The following MMP1 variants were observed in gnomAD, a reference collection of about 807,000 sequenced individuals.
MMP1 encodes interstitial collagenase.
A neutral mutation model predicts 49.6 loss-of-function variants in MMP1; 51 were observed. The observed-to-expected ratio is 1.03, with a 90% CI of 0.82 to 1.30. The LOEUF (loss-of-function observed/expected upper bound fraction) is 1.30. Ranked by LOEUF, MMP1 falls within the 50% of genes most tolerant of loss-of-function variation. The pLI, the probability that MMP1 is intolerant of heterozygous loss-of-function variation, is 0.00. For synonymous variants in MMP1, 230 were observed against 196.8 expected (o/e 1.17, Z -1.41); for missense variants, 623 against 568.7 (o/e 1.10, Z -0.97).
In MMP1 at chr11:102,790,023, T is replaced by C. The variant is rs189318548; in HGVS notation, c.*389A>G. The C allele has an allele frequency of 6.4e-6, 1 of 156,632 alleles. No individual in the cohort carries two copies. Among genetic ancestry groups the C allele is most frequent in the Non-Finnish European group, 1.4e-5 (1 of 71,194 alleles). 9.7% of individuals were successfully genotyped at this position (156,632 alleles called of 1,614,324 possible). On this transcript the variant is annotated 3_prime_UTR_variant, in exon 10 of 10. Coordinates refer to ENST00000315274, the MANE Select transcript of MMP1 (RefSeq NM_002421.4). Reference sequence around the variant, plus strand: ...CCAGGGTGACACCAGTGACTGCACATGTGTTCTTGAGCTGCTTTTCCTCCG... The same window carrying C: ...CCAGGGTGACACCAGTGACTGCACACGTGTTCTTGAGCTGCTTTTCCTCCG...
chr11:102,793,657 G>A (rs938136444), intron 6 of MMP1, among the ~76,000 whole-genome samples: 1 of 152,226 alleles, frequency 6.6e-6, no homozygotes, highest in African/African-American at 2.4e-5. Context: ...TGAGGTTGGG[G>A]AGACTAAGGG....
chr11:102,797,919 C>G, intron 1 of MMP1, 69 bp downstream of exon 1: 1 of 1,190,960 alleles, frequency 8.4e-7, no homozygotes, highest in South Asian at 1.5e-5. Context: ...TTAAAAAACT[C>G]TATTACATTA....
intron 6 of MMP1, among the ~76,000 whole-genome samples, chr11:102,792,962 A>G (rs1190666241): frequency 6.6e-6 from 1 of 152,220 alleles, no homozygotes; most frequent in Non-Finnish European, 1.5e-5. Context: ...ACCATTGTAT[A>G]GCATACAAAT....
At position 102,795,207 on chromosome 11, in the gene MMP1, G is replaced by C. The variant is rs963164473; in HGVS notation, c.866C>G (p.Thr289Arg). Residue 289 changes from threonine to arginine, a missense_variant, in exon 6 of 10, where the codon ACG (threonine) becomes AGG (arginine). By Grantham distance (71) the Thr-to-Arg change is moderately conservative (BLOSUM62 -1). Coordinates refer to ENST00000315274, the MANE Select transcript of MMP1 (RefSeq NM_002421.4). ...DSKLTFDAIT[T>R]IRGEVMFFKD... ...AAAGAACATCACTTCTCCCCGAATCGTAGTTATAGCATCAAAGGTTAGCTT... is the reference window on the plus strand; with the variant it reads ...AAAGAACATCACTTCTCCCCGAATCCTAGTTATAGCATCAAAGGTTAGCTT... 6.2e-7 allele frequency: 1 copy of C among 1,613,988 alleles called. No homozygotes were observed. The highest frequency in any genetic ancestry group is 8.5e-7 in the Non-Finnish European group (1 of 1,179,888).
intron 8 of MMP1, 139 bp from the exon 9 acceptor site, chr11:102,790,945 G>A: frequency 4.7e-6 from 3 of 632,528 alleles, no homozygotes; most frequent in Non-Finnish European, 8.4e-6. Context: ...GAGTGGATGG[G>A]ATAAGGTGGA....
Position 102,790,497 on chromosome 11 carries a change from G to C in MMP1, c.1325C>G (p.Thr442Arg), listed in dbSNP as rs776063507. The C allele has an allele frequency of 6.2e-7, 1 of 1,604,160 alleles. No individual in the cohort carries two copies. Among genetic ancestry groups the C allele is most frequent in the East Asian group, 2.2e-5 (1 of 44,758 alleles). ...KDGFFYFFHG[T>R]RQYKFDPKTK... ...TTTAGGATCAAATTTGTATTGTCTT[G>C]TTCCATGAAAGAAATAGAAAAATCC... The change falls in exon 10 of 10, where the codon ACA (threonine) becomes AGA (arginine). Residue 442 changes from threonine (T) to arginine (R), a missense_variant. Transcript: ENST00000315274.
Position 102,790,753 on chromosome 11 carries a change from T to A in MMP1, c.1250A>T (p.His417Leu), listed in dbSNP as rs1205742732. Residue 417 changes from histidine (H) to leucine (L), a missense_variant, in exon 9 of 10, where the codon CAT becomes CTT. By Grantham distance (99) the His-to-Leu change is moderately conservative. Coordinates refer to ENST00000315274, the MANE Select transcript of MMP1 (RefSeq NM_002421.4). ...MDPGYPKMIA[H>L]DFPGIGHKVD... ...TTTGTGGCCAATTCCAGGAAAGTCA[T>A]GTGCTATCATTTTGGGATAACCTGG... The A allele has an allele frequency of 1.9e-6, 3 of 1,613,576 alleles. No individual in the cohort carries two copies. The highest frequency in any genetic ancestry group is 2.5e-6 in the Non-Finnish European group (3 of 1,179,646).
At chr11:102,793,888 C>T (rs189545449) in intron 6 of MMP1, among the ~76,000 whole-genome samples, 47 of 152,308 alleles carry the variant, frequency 3.1e-4, no homozygotes, top group Non-Finnish European at 3.1e-4. Context: ...CCTTGGCTGT[C>T]GGAAACCTGA....
intron 9 of MMP1, 36 bp downstream of exon 9, chr11:102,790,667 C>T (rs746805466): frequency 6.9e-7 from 1 of 1,442,742 alleles, no homozygotes; most frequent in Non-Finnish European, 9.8e-7. Context: ...ATTGCTACGG[C>T]AATGAAATGG....
Position 102,792,623 on chromosome 11 carries a change from C to T in MMP1, c.1015G>A (p.Glu339Lys), listed in dbSNP as rs542710164. The T allele has an allele frequency of 6.2e-7, 1 of 1,613,666 alleles. No individual in the cohort carries two copies. Among genetic ancestry groups the T allele is most frequent in the South Asian group, 1.1e-5 (1 of 90,950 alleles). Residue 339 changes from glutamate to lysine, a missense_variant, in exon 7 of 10, where the codon GAA becomes AAA. Physicochemically the swap from Glu to Lys is moderately conservative, Grantham distance 56. Coordinates refer to ENST00000315274, the MANE Select transcript of MMP1 (RefSeq NM_002421.4). ...AGATTACCTTTGAAAAACCGGACTTCATCTCTGTCGGCAAATTCGTAAGCA... is the reference window on the plus strand; with the variant it reads ...AGATTACCTTTGAAAAACCGGACTTTATCTCTGTCGGCAAATTCGTAAGCA... ...EAAYEFADRDEVRFFKGNKYW... is the reference protein window; with the variant it reads ...EAAYEFADRDKVRFFKGNKYW...
Position 102,792,242 on chromosome 11 carries a change from G to A in MMP1, c.1033+363C>T, listed in dbSNP as rs904378434. Among the ~76,000 whole-genome samples the A allele has an allele frequency of 9.2e-5, 14 of 152,118 alleles. No individual in the cohort carries two copies. The East Asian group carries it at 1.2e-3, about 13-fold the overall frequency. On this transcript the variant is annotated intron_variant, in intron 7 of 9. Coordinates refer to ENST00000315274, the MANE Select transcript of MMP1 (RefSeq NM_002421.4). ...TCAAATGTCTTACTCATTGTACTAC[G>A]TTAAACACACGTTTGCAAAAATATT...
rs1591077182 is a variant in MMP1, at chr11:102,791,273, T to C, written c.1196+60A>G. On this transcript the variant is annotated intron_variant, in intron 8 of 9. Transcript: ENST00000315274. Reference sequence around the variant, plus strand: ...TTGAGACTCACTTTGAAATGGGCTATTCTAGAACTTTTTATGTAGAAAGAA... The same window carrying C: ...TTGAGACTCACTTTGAAATGGGCTACTCTAGAACTTTTTATGTAGAAAGAA... 1.9e-6 allele frequency: 3 copies of C among 1,589,976 alleles called. No individual in the cohort carries two copies. The East Asian group carries it at 6.7e-5, about 36-fold the overall frequency.
chr11:102,791,583 G>A, intron 7 of MMP1, 88 bp from the exon 8 acceptor site: 2 of 1,400,470 alleles, frequency 1.4e-6, no homozygotes, highest in Non-Finnish European at 2.0e-6. Context: ...AGTTTCACAT[G>A]CTAGTGCAGT....
At chr11:102,797,926 A>C (rs1177842155) in intron 1 of MMP1, 62 bp downstream of exon 1, 1 of 1,275,014 alleles carries the variant, frequency 7.8e-7, no homozygotes, top group Non-Finnish European at 1.1e-6. Context: ...ACTCTATTAC[A>C]TTACTGCAGA....
At position 102,791,455 on chromosome 11, in the gene MMP1, G is replaced by C. The variant is rs1234326470; in HGVS notation, c.1074C>G (p.His358Gln). ...AGCTGTAGATGTCCTTGGGGTATCC[G>C]TGTAGCACATTCTGTCCCTGAACAG... ...YWAVQGQNVLHGYPKDIYSSF... is the reference protein window; with the variant it reads ...YWAVQGQNVLQGYPKDIYSSF... Residue 358 changes from histidine (H) to glutamine (Q), a missense_variant, in exon 8 of 10, where the codon CAC becomes CAG. His to Gln is a conservative substitution (Grantham distance 24). Coordinates refer to ENST00000315274, the MANE Select transcript of MMP1 (RefSeq NM_002421.4). 3.1e-6 allele frequency: 5 copies of C among 1,613,872 alleles called. No individual in the cohort carries two copies. The highest frequency in any genetic ancestry group is 4.2e-6 in the Non-Finnish European group (5 of 1,179,872).
intron 6 of MMP1, among the ~76,000 whole-genome samples, chr11:102,793,530 C>G (rs1277116434): frequency 2.6e-5 from 4 of 152,204 alleles, no homozygotes; most frequent in Admixed American, 2.6e-4. Flanking sequence ...ACATTACCAA[C>G]TGGACCATGA....
rs779778495 is a variant in MMP1 at position 102,791,445 on chromosome 11, T to C, written c.1084A>G (p.Lys362Glu). Reference sequence around the variant, plus strand: ...AAGCCAAAGGAGCTGTAGATGTCCTTGGGGTATCCGTGTAGCACATTCTGT... The same window carrying C: ...AAGCCAAAGGAGCTGTAGATGTCCTCGGGGTATCCGTGTAGCACATTCTGT... Reference protein sequence around the residue: ...QGQNVLHGYPKDIYSSFGFPR... With the variant: ...QGQNVLHGYPEDIYSSFGFPR... The change falls in exon 8 of 10, where the codon AAG becomes GAG. Residue 362 changes from lysine to glutamate, a missense_variant. By Grantham distance (56) the Lys-to-Glu change is moderately conservative. Transcript: ENST00000315274. The C allele has an allele frequency of 8.1e-6, 13 of 1,614,032 alleles. No individual in the cohort carries two copies. In the South Asian group the frequency reaches 1.3e-4, roughly 16 times the overall value.
At position 102,793,512 on chromosome 11, in the gene MMP1, G is replaced by A. The variant is rs892772150; in HGVS notation, c.900-774C>T. Reference sequence around the variant, plus strand: ...CAGCTTTGGTGAGCCATTAGGGATCGGCTGTGCACATTACCAACTGGACCA... The same window carrying A: ...CAGCTTTGGTGAGCCATTAGGGATCAGCTGTGCACATTACCAACTGGACCA... On this transcript the variant is annotated intron_variant, in intron 6 of 9. Coordinates refer to ENST00000315274, the MANE Select transcript of MMP1 (RefSeq NM_002421.4). Among the ~76,000 whole-genome samples the A allele has an allele frequency of 1.3e-5, 2 of 152,212 alleles. 1 individual carries two copies. Among genetic ancestry groups the A allele is most frequent in the East Asian group, 3.9e-4 (2 of 5,190 alleles).
At chr11:102,791,536 T>G (rs574861369) in intron 7 of MMP1, 41 bp from the exon 8 acceptor site, 1 of 1,594,952 alleles carries the variant, frequency 6.3e-7, no homozygotes, top group East Asian at 2.2e-5. Flanking sequence ...TGCCTAAGAC[T>G]TCAATAGGCA....
Sources: gnomAD v4.1 joint callset for allele counts (sites outside exome capture counted in the v4.1 genomes callset) on GRCh38, gnomAD v4.1.1 for gene constraint, MANE v1.5 for transcripts, NCBI Gene and HGNC (gene_info 2026-07-23, HGNC 2026-07-21) for gene names.